CAMTA1: variants seen among roughly 807,000 people sequenced by gnomAD.
CAMTA1 encodes the protein calmodulin-binding transcription activator 1.
A neutral mutation model predicts 170.9 loss-of-function variants in CAMTA1; 27 were observed. The observed-to-expected ratio is 0.16, with a 90% CI of 0.12 to 0.22. CAMTA1 has a LOEUF of 0.22. Among genes scored for constraint, CAMTA1 ranks in the 10% least tolerant of loss-of-function variants. The pLI is 1.00. For missense variants in CAMTA1, 1,619 were observed against 2,217.2 expected (o/e 0.73, Z 5.42); for synonymous variants, 833 against 891.5 (o/e 0.93, Z 1.17).
intron 11 of CAMTA1, among the ~76,000 whole-genome samples, chr1:7,730,167 A>G (rs2096720853): frequency 6.6e-6 from 1 of 152,176 alleles, no homozygotes; most frequent in Non-Finnish European, 1.5e-5. Context: ...TCCCCATTTA[A>G]GGGTTGAGGA....
chr1:6,830,404 C>T (rs1212412424), intron 3 of CAMTA1, among the ~76,000 whole-genome samples: 3 of 148,472 alleles, frequency 2.0e-5, no homozygotes, highest in East Asian at 4.0e-4. Flanking sequence ...AGTGCAATGA[C>T]GTGATCTCAG....
intron 5 of CAMTA1, among the ~76,000 whole-genome samples, chr1:7,450,581 G>A (rs555508805): frequency 7.2e-4 from 109 of 152,340 alleles, no homozygotes; most frequent in Middle Eastern, 3.4e-3. Flanking sequence ...AGGCCCCACC[G>A]CCTGCCCGCT....
At chr1:6,921,906 G>A (rs1571732208) in intron 3 of CAMTA1, among the ~76,000 whole-genome samples, 1 of 152,142 alleles carries the variant, frequency 6.6e-6, no homozygotes, top group Admixed American at 6.5e-5. Flanking sequence ...ATTTGGGTGG[G>A]GACACAGAGC....
chr1:6,908,398 C>T (rs553184575), intron 3 of CAMTA1, among the ~76,000 whole-genome samples: 2 of 152,254 alleles, frequency 1.3e-5, no homozygotes, highest in South Asian at 2.1e-4. Flanking sequence ...AAATGCTGCC[C>T]GCTGCTCGCT....
At chr1:7,725,022 G>T (rs544568863) in intron 11 of CAMTA1, among the ~76,000 whole-genome samples, 1 of 152,232 alleles carries the variant, frequency 6.6e-6, no homozygotes, top group Non-Finnish European at 1.5e-5. Context: ...TCTCAGAGCT[G>T]CCCAGGCTGA....
intron 5 of CAMTA1, among the ~76,000 whole-genome samples, chr1:7,394,862 T>C (rs1247585771): frequency 6.9e-6 from 1 of 145,096 alleles, no homozygotes; most frequent in Non-Finnish European, 1.5e-5. Flanking sequence ...TGTCTGTGTG[T>C]GTGGTGTTTC....
chr1:7,228,231 T>G (rs1048566665), intron 4 of CAMTA1, among the ~76,000 whole-genome samples: 3 of 152,200 alleles, frequency 2.0e-5, no homozygotes, highest in African/African-American at 7.2e-5. Context: ...AATTCATGTA[T>G]GGTTATCGAA....
chr1:6,797,057 C>T (rs991723804), intron 1 of CAMTA1, among the ~76,000 whole-genome samples: 2 of 152,166 alleles, frequency 1.3e-5, no homozygotes, highest in African/African-American at 4.8e-5. Flanking sequence ...TTGATTGATA[C>T]CCAGTCTTAC....
chr1:6,963,514 T>G (rs1436798236), intron 3 of CAMTA1, among the ~76,000 whole-genome samples: 1 of 152,096 alleles, frequency 6.6e-6, no homozygotes, highest in Non-Finnish European at 1.5e-5. Flanking sequence ...TTTCTTGGAT[T>G]AAATGCCTCT....
intron 5 of CAMTA1, among the ~76,000 whole-genome samples, chr1:7,266,464 A>T (rs902348131): frequency 1.3e-5 from 2 of 152,240 alleles, no homozygotes; most frequent in African/African-American, 2.4e-5. Flanking sequence ...TCTTCCCTGC[A>T]TCCATTTATT....
intron 5 of CAMTA1, among the ~76,000 whole-genome samples, chr1:7,367,133 A>G (rs528710485): frequency 1.3e-5 from 2 of 152,300 alleles, no homozygotes; most frequent in East Asian, 3.9e-4. Flanking sequence ...AGAGACGGGG[A>G]GTTGGCTGGG....
At chr1:7,731,571 C>CAA (rs536530455) in intron 11 of CAMTA1, among the ~76,000 whole-genome samples, 18 of 87,038 alleles carry the variant, frequency 2.1e-4, no homozygotes, top group South Asian at 1.5e-3. Flanking sequence ...CACTCTGTCT[C>CAA]AAAAAAAAAA....
intron 7 of CAMTA1, among the ~76,000 whole-genome samples, chr1:7,654,982 CTATACACA>C (rs2095875520): frequency 7.7e-6 from 1 of 129,978 alleles, no homozygotes; most frequent in African/African-American, 3.0e-5. Context: ...ACACACACAC[CTATACACA>C]CACCCACACA....
chr1:7,403,297 C>A (rs2090044471), intron 5 of CAMTA1, among the ~76,000 whole-genome samples: 1 of 152,156 alleles, frequency 6.6e-6, no homozygotes, highest in South Asian at 2.1e-4. Flanking sequence ...GAGGTTGAAC[C>A]AGGATCGTAC....
chr1:6,950,841 C>T (rs139238489), intron 3 of CAMTA1, among the ~76,000 whole-genome samples: 118 of 152,248 alleles, frequency 7.8e-4, no homozygotes, highest in African/African-American at 2.7e-3. Context: ...AGGACCAGGA[C>T]GCTCTACAAT....
intron 5 of CAMTA1, among the ~76,000 whole-genome samples, chr1:7,422,138 A>G (rs1044952886): frequency 1.6e-4 from 24 of 152,182 alleles, no homozygotes; most frequent in Middle Eastern, 3.4e-3. Flanking sequence ...TGGGAGCTGG[A>G]CAGGGCAGAT....
intron 3 of CAMTA1, among the ~76,000 whole-genome samples, chr1:6,898,098 C>G (rs1363074756): frequency 6.6e-6 from 1 of 152,144 alleles, no homozygotes; most frequent in East Asian, 1.9e-4. Flanking sequence ...TATTTCTTGT[C>G]TTGGTACTTC....
At chr1:7,445,310 G>A (rs908649785) in intron 5 of CAMTA1, among the ~76,000 whole-genome samples, 1 of 151,708 alleles carries the variant, frequency 6.6e-6, no homozygotes, top group Non-Finnish European at 1.5e-5. Context: ...AGAGAGGGAT[G>A]GAGAAGCCGC....
chr1:7,704,995 G>GGGC (rs1230157053), intron 11 of CAMTA1, among the ~76,000 whole-genome samples: 7 of 144,374 alleles, frequency 4.8e-5, no homozygotes, highest in South Asian at 2.1e-4. Flanking sequence ...GGGGCGTGGG[G>GGGC]ACACGCGTGC....
Sources: allele counts gnomAD v4.1 joint callset (sites outside exome capture counted in the v4.1 genomes callset), GRCh38; gene constraint gnomAD v4.1.1; transcripts MANE v1.5; gene names NCBI Gene and HGNC (gene_info 2026-07-23, HGNC 2026-07-21).